DOCK1: variants seen among roughly 807,000 people sequenced by gnomAD.
DOCK1 encodes the protein dedicator of cytokinesis protein 1.
A neutral mutation model predicts 262.7 loss-of-function variants in DOCK1; 138 were observed. The observed-to-expected ratio is 0.53, with a 90% CI of 0.46 to 0.61. DOCK1 has a LOEUF of 0.61. Among genes scored for constraint, DOCK1 ranks in the 20% least tolerant of loss-of-function variants. The pLI, the probability that DOCK1 is intolerant of heterozygous loss-of-function variation, is 0.00. For synonymous variants in DOCK1, 866 were observed against 867.4 expected (o/e 1.00, Z 0.03); for missense variants, 1,908 against 2,370.7 (o/e 0.80, Z 4.05).
At chr10:127,220,341 C>G (rs1290366338) in intron 27 of DOCK1, among the ~76,000 whole-genome samples, 1 of 151,922 alleles carries the variant, frequency 6.6e-6, no homozygotes, top group Non-Finnish European at 1.5e-5. Context: ...AACAGAGAAC[C>G]AGGAGGCCCA....
intron 27 of DOCK1, among the ~76,000 whole-genome samples, chr10:127,240,022 C>T (rs2059208779): frequency 1.3e-5 from 2 of 151,972 alleles, no homozygotes; most frequent in Non-Finnish European, 2.9e-5. Context: ...TCCAGATATT[C>T]CCTTTTGGTA....
chr10:127,131,275 C>T (rs2133147143), intron 27 of DOCK1, among the ~76,000 whole-genome samples: 1 of 152,280 alleles, frequency 6.6e-6, no homozygotes, highest in African/African-American at 2.4e-5. Flanking sequence ...CCATCCTCCA[C>T]AGCCCTGATC....
chr10:127,018,608 A>G, intron 12 of DOCK1, 102 bp from the exon 13 acceptor site: 11 of 1,560,906 alleles, frequency 7.0e-6, no homozygotes, highest in Non-Finnish European at 9.6e-6. Flanking sequence ...AAGATGTTGA[A>G]TTGTGAATTA....
chr10:126,918,160 G>C (rs1248950174), intron 1 of DOCK1, among the ~76,000 whole-genome samples: 1 of 151,606 alleles, frequency 6.6e-6, no homozygotes, highest in South Asian at 2.1e-4. Flanking sequence ...GGGCTCCGCT[G>C]ATGCTCAGGA....
intron 27 of DOCK1, among the ~76,000 whole-genome samples, chr10:127,131,604 C>T (rs867485923): frequency 1.3e-5 from 2 of 152,182 alleles, no homozygotes; most frequent in Admixed American, 6.5e-5. Flanking sequence ...AAATGCTACC[C>T]TGTTTAGGAT....
intron 4 of DOCK1, among the ~76,000 whole-genome samples, chr10:126,983,840 C>T (rs755452583): frequency 2.6e-4 from 39 of 152,200 alleles, no homozygotes; most frequent in Non-Finnish European, 2.2e-4. Flanking sequence ...TCCCCCATAA[C>T]CAAAGCAATT....
chr10:126,999,694 T>G (rs1278985410), intron 9 of DOCK1, among the ~76,000 whole-genome samples: 1 of 152,198 alleles, frequency 6.6e-6, no homozygotes, highest in Non-Finnish European at 1.5e-5. Flanking sequence ...TTTTTTTCCT[T>G]GAGACGGAGT....
Position 127,176,480 on chromosome 10 carries a change from C to T in DOCK1, c.2847+48716C>T, listed in dbSNP as rs2055171133. ...CACCGGCCGCACAAACTTTTAGCCA[C>T]CACGACGACTGCCTGTTTCCTAATT... On this transcript the variant is annotated intron_variant, in intron 27 of 51. Coordinates refer to ENST00000623213, the MANE Select transcript of DOCK1 (RefSeq NM_001290223.2). The surrounding 1 kb of genome is among the most constrained non-coding windows in gnomAD (Gnocchi z 4.4). The T allele has an allele frequency of 8.6e-7, 1 of 1,159,866 alleles. No homozygotes were observed. Among genetic ancestry groups the T allele is most frequent in the Non-Finnish European group, 1.2e-6 (1 of 821,506 alleles). 71.8% of individuals were successfully genotyped at this position (1,159,866 alleles called of 1,614,324 possible).
At chr10:127,076,960 A>G (rs1285882013) in intron 23 of DOCK1, among the ~76,000 whole-genome samples, 1 of 152,178 alleles carries the variant, frequency 6.6e-6, no homozygotes, top group Non-Finnish European at 1.5e-5. Context: ...GAACAGAGGC[A>G]GGGAGGTGCC....
At chr10:127,128,745 A>C (rs552818328) in intron 27 of DOCK1, among the ~76,000 whole-genome samples, 1 of 152,300 alleles carries the variant, frequency 6.6e-6, no homozygotes, top group Non-Finnish European at 1.5e-5. Flanking sequence ...GCTGCATACT[A>C]TTCCATGGTG....
intron 27 of DOCK1, among the ~76,000 whole-genome samples, chr10:127,211,919 AGAG>A (rs2057996429): frequency 6.6e-6 from 1 of 152,232 alleles, no homozygotes; most frequent in Non-Finnish European, 1.5e-5. Context: ...AAAGCTCTGC[AGAG>A]TGCGCCAATA....
At chr10:127,391,111 G>A (rs1392212111) in intron 38 of DOCK1, among the ~76,000 whole-genome samples, 1 of 152,162 alleles carries the variant, frequency 6.6e-6, no homozygotes, top group Admixed American at 6.5e-5. Context: ...TTTAAACAGC[G>A]AAAATATTTC....
rs1447640168 is a variant in DOCK1, at chr10:127,176,146, A to G, written c.2847+48382A>G. Reference sequence around the variant, plus strand: ...GCGGGCACTGTCATGTATTTGCGGTAGGCTGCTCTGCAGGACACGGGCTTG... The same window carrying G: ...GCGGGCACTGTCATGTATTTGCGGTGGGCTGCTCTGCAGGACACGGGCTTG... On this transcript the variant is annotated intron_variant, in intron 27 of 51. Coordinates refer to ENST00000623213, the MANE Select transcript of DOCK1 (RefSeq NM_001290223.2). The surrounding 1 kb of genome is among the most constrained non-coding windows in gnomAD (Gnocchi z 4.4). 4 of 1,613,978 alleles carry G rather than the reference A, an allele frequency of 2.5e-6. No individual in the cohort carries two copies. Among genetic ancestry groups the G allele is most frequent in the Admixed American group, 1.7e-5 (1 of 60,006 alleles).
intron 27 of DOCK1, among the ~76,000 whole-genome samples, chr10:127,226,879 A>G (rs931676688): frequency 7.2e-5 from 11 of 152,090 alleles, no homozygotes; most frequent in Admixed American, 3.9e-4. Flanking sequence ...CCTGGGAGGC[A>G]TGCTATTGCG....
At chr10:127,071,125 C>T (rs929496576) in intron 23 of DOCK1, among the ~76,000 whole-genome samples, 2 of 152,276 alleles carry the variant, frequency 1.3e-5, no homozygotes, top group Middle Eastern at 3.4e-3. Flanking sequence ...TATTTTATGG[C>T]TTGCTCTTAG....
At chr10:126,942,066 C>T (rs977416003) in intron 1 of DOCK1, among the ~76,000 whole-genome samples, 27 of 151,862 alleles carry the variant, frequency 1.8e-4, no homozygotes, top group Admixed American at 5.3e-4. Context: ...GCTCTGTCGC[C>T]CAGGCTGGAG....
intron 3 of DOCK1, 33 bp from the exon 4 acceptor site, chr10:126,981,885 A>G: frequency 6.2e-7 from 1 of 1,600,458 alleles, no homozygotes; most frequent in Non-Finnish European, 8.5e-7. Flanking sequence ...CCTATTGATA[A>G]TAAAAGCTAC....
intron 27 of DOCK1, chr10:127,135,922 G>A (rs1324380492): frequency 2.0e-5 from 3 of 152,516 alleles, no homozygotes; most frequent in African/African-American, 7.2e-5. Flanking sequence ...TATAACTTTA[G>A]TTAAAAACAG....
At chr10:127,244,187 C>T (rs2059357805) in intron 27 of DOCK1, among the ~76,000 whole-genome samples, 1 of 151,962 alleles carries the variant, frequency 6.6e-6, no homozygotes, top group Non-Finnish European at 1.5e-5. Flanking sequence ...ATGTATCTCT[C>T]ATGTAATATT....
Sources: allele counts gnomAD v4.1 joint callset (sites outside exome capture counted in the v4.1 genomes callset), GRCh38; gene constraint gnomAD v4.1.1; non-coding constraint Gnocchi (gnomAD v3.1); transcripts MANE v1.5; gene names NCBI Gene and HGNC (gene_info 2026-07-23, HGNC 2026-07-21).